The following PTPRD variants were observed in gnomAD, a reference collection of about 807,000 sequenced individuals.
The protein encoded by PTPRD is receptor-type tyrosine-protein phosphatase delta.
A neutral mutation model predicts 214.5 loss-of-function variants in PTPRD; 34 were observed. The ratio of observed to expected loss-of-function variants is 0.16; its 90% confidence interval spans 0.12 to 0.21. The LOEUF (loss-of-function observed/expected upper bound fraction) is 0.21, where lower values mean the gene tolerates loss of function less well. PTPRD is among the 10% of genes least tolerant of loss of function. The pLI, the probability that PTPRD is intolerant of heterozygous loss-of-function variation, is 1.00. For synonymous variants in PTPRD, 1,128 were observed against 845.7 expected, an observed-to-expected ratio of 1.33 and a Z score of -5.79; for missense variants, 2,545 against 2,398.7, an observed-to-expected ratio of 1.06 and a Z score of -1.27.
chr9:8,506,841 A>G (rs1006083012), intron 22 of PTPRD, among the ~76,000 whole-genome samples: 1 of 152,194 alleles, frequency 6.6e-6, no homozygotes, highest in Admixed American at 6.5e-5. Context: ...GCAAACAAAC[A>G]TTTGCTATTG....
intron 31 of PTPRD, among the ~76,000 whole-genome samples, chr9:8,466,196 C>T (rs890308682): frequency 6.6e-5 from 10 of 151,864 alleles, no homozygotes; most frequent in African/African-American, 2.4e-4. Context: ...ATCCAATAAA[C>T]AATTTTTAAT....
At position 8,315,979 on chromosome 9, in the gene PTPRD, T is replaced by G. The variant is rs1356336864; in HGVS notation, c.*1895A>C. On this transcript the variant is annotated 3_prime_UTR_variant, in exon 46 of 46. Transcript: ENST00000381196. ...TTTATTTCCCCTTTTAGAAAAATCC[T>G]AATGGAATATCAAATATATTCCAAA... 1 of 227,258 alleles carries G rather than the reference T, an allele frequency of 4.4e-6. No individual in the cohort carries two copies. Among genetic ancestry groups the G allele is most frequent in the Non-Finnish European group, 8.8e-6 (1 of 114,226 alleles). 14.1% of individuals were successfully genotyped at this position (227,258 alleles called of 1,614,324 possible). A position where few individuals can be genotyped will look rare whatever the true frequency, so the allele number is the denominator to read the frequency against.
At chr9:8,328,109 G>A (rs553281246) in intron 44 of PTPRD, among the ~76,000 whole-genome samples, 32 of 152,234 alleles carry the variant, frequency 2.1e-4, no homozygotes, top group African/African-American at 7.2e-4. Flanking sequence ...TTTCTTCCCA[G>A]CATCGATGGT....
chr9:8,812,690 G>C (rs1007317635), intron 11 of PTPRD, among the ~76,000 whole-genome samples: 2 of 151,868 alleles, frequency 1.3e-5, no homozygotes, highest in Non-Finnish European at 2.9e-5. Flanking sequence ...CAATGCCATA[G>C]CAAGGTGACA....
chr9:9,409,628 C>A (rs1311032223), intron 8 of PTPRD, among the ~76,000 whole-genome samples: 1 of 151,810 alleles, frequency 6.6e-6, no homozygotes, highest in Non-Finnish European at 1.5e-5. Context: ...AAGTACAAGC[C>A]ACAAAAGCAA....
chr9:10,527,032 A>G (rs1053483023), intron 2 of PTPRD, among the ~76,000 whole-genome samples: 3 of 152,254 alleles, frequency 2.0e-5, no homozygotes, highest in Admixed American at 2.0e-4. Flanking sequence ...TAAATGTACA[A>G]TTGAAAAGCA....
chr9:9,361,880 A>G (rs2056292804), intron 9 of PTPRD, among the ~76,000 whole-genome samples: 1 of 151,008 alleles, frequency 6.6e-6, no homozygotes, highest in Non-Finnish European at 1.5e-5. Context: ...AACTTCTAGA[A>G]ATGGGCATAC....
At chr9:9,678,553 A>T (rs1424528923) in intron 7 of PTPRD, among the ~76,000 whole-genome samples, 2 of 151,950 alleles carry the variant, frequency 1.3e-5, no homozygotes, top group Non-Finnish European at 2.9e-5. Flanking sequence ...TAGATACCTC[A>T]AAGATATTTA....
intron 7 of PTPRD, among the ~76,000 whole-genome samples, chr9:9,655,535 C>A (rs932453926): frequency 6.6e-6 from 1 of 151,926 alleles, no homozygotes; most frequent in Non-Finnish European, 1.5e-5. Flanking sequence ...CATCACTGCA[C>A]TCCAGCCTGG....
At chr9:9,433,359 G>T (rs1325880192) in intron 8 of PTPRD, among the ~76,000 whole-genome samples, 1 of 152,218 alleles carries the variant, frequency 6.6e-6, no homozygotes, top group African/African-American at 2.4e-5. Flanking sequence ...ATTACGTTGA[G>T]GATTTATAAT....
chr9:8,985,781 T>C (rs1311976367), intron 11 of PTPRD, among the ~76,000 whole-genome samples: 1 of 152,060 alleles, frequency 6.6e-6, no homozygotes, highest in African/African-American at 2.4e-5. Context: ...ATTGTGCACC[T>C]ATAGCCTGAG....
chr9:9,326,567 A>G (rs2039996904), intron 9 of PTPRD, among the ~76,000 whole-genome samples: 2 of 152,076 alleles, frequency 1.3e-5, no homozygotes, highest in South Asian at 4.1e-4. Context: ...TCTGAAAATA[A>G]AAAAAGAAAA....
intron 5 of PTPRD, among the ~76,000 whole-genome samples, chr9:9,872,700 C>T (rs538342464): frequency 1.3e-5 from 2 of 152,036 alleles, no homozygotes; most frequent in African/African-American, 4.8e-5. Context: ...TGCCTGGTAC[C>T]TTGAATGTAT....
intron 5 of PTPRD, among the ~76,000 whole-genome samples, chr9:9,802,653 T>A (rs75375785): frequency 0.016 from 2,366 of 151,398 alleles, 35 homozygotes; most frequent in African/African-American, 0.038. Flanking sequence ...CGTTTTTTTT[T>A]AAAAAAAATT....
At chr9:8,433,716 T>C (rs1222964030) in intron 35 of PTPRD, among the ~76,000 whole-genome samples, 1 of 152,250 alleles carries the variant, frequency 6.6e-6, no homozygotes, top group Non-Finnish European at 1.5e-5. Flanking sequence ...GCTTGTGTTT[T>C]AAGCTAAGTG....
intron 3 of PTPRD, among the ~76,000 whole-genome samples, chr9:10,264,596 A>C (rs1254776371): frequency 6.6e-6 from 1 of 152,162 alleles, no homozygotes; most frequent in Non-Finnish European, 1.5e-5. Flanking sequence ...GTATCTAGGA[A>C]GTAGCTAACT....
At chr9:9,221,803 G>T (rs1276495716) in intron 9 of PTPRD, among the ~76,000 whole-genome samples, 1 of 151,950 alleles carries the variant, frequency 6.6e-6, no homozygotes, top group Non-Finnish European at 1.5e-5. Flanking sequence ...ACGTGTAGCA[G>T]AAGAAGACAA....
At chr9:10,329,539 T>C (rs184195668) in intron 3 of PTPRD, among the ~76,000 whole-genome samples, 2 of 152,000 alleles carry the variant, frequency 1.3e-5, no homozygotes, top group East Asian at 3.9e-4. Flanking sequence ...AAATGGTCTG[T>C]CTGTCTCTCT....
At chr9:9,576,303 A>C (rs538573106) in intron 7 of PTPRD, among the ~76,000 whole-genome samples, 33 of 152,318 alleles carry the variant, frequency 2.2e-4, no homozygotes, top group Non-Finnish European at 3.8e-4. Context: ...GAGGTGATAT[A>C]AAATGTTTCT....
Sources: allele counts gnomAD v4.1 joint callset (sites outside exome capture counted in the v4.1 genomes callset), GRCh38; gene constraint gnomAD v4.1.1; transcripts MANE v1.5; gene names NCBI Gene and HGNC (gene_info 2026-07-23, HGNC 2026-07-21).